Variants in CCDC60 observed in about 807,000 individuals in gnomAD.
CCDC60 encodes the protein coiled-coil domain containing 60.
In CCDC60, 54 loss-of-function variants were observed where a neutral mutation model predicts 63.5. That is an observed-to-expected ratio of 0.85 (90% CI 0.68 to 1.07). The LOEUF is 1.07. Ranked by LOEUF, CCDC60 falls within the 50% of genes least tolerant of loss-of-function variation. The pLI is 0.00. For missense variants in CCDC60, 651 were observed against 684.3 expected (o/e 0.95, Z 0.54); for synonymous variants, 206 against 238.8 (o/e 0.86, Z 1.27).
intron 2 of CCDC60, among the ~76,000 whole-genome samples, chr12:119,466,433 C>T (rs1593128608): frequency 6.6e-6 from 1 of 152,164 alleles, no homozygotes; most frequent in Admixed American, 6.5e-5. Flanking sequence ...GATAATGGTG[C>T]AGTTATTTAG....
intron 4 of CCDC60, among the ~76,000 whole-genome samples, chr12:119,487,843 A>T (rs2136372913): frequency 6.6e-6 from 1 of 152,202 alleles, no homozygotes; most frequent in African/African-American, 2.4e-5. Flanking sequence ...TAGGTGAGAC[A>T]TATGTGGTTT....
intron 1 of CCDC60, among the ~76,000 whole-genome samples, chr12:119,339,380 G>A (rs1354854457): frequency 6.6e-6 from 1 of 151,576 alleles, no homozygotes; most frequent in Non-Finnish European, 1.5e-5. Flanking sequence ...TTTCCACCTC[G>A]TTGTCATTAA....
chr12:119,365,584 CAAGAGGTGT>C (rs1384957980), intron 1 of CCDC60, among the ~76,000 whole-genome samples: 1 of 152,014 alleles, frequency 6.6e-6, no homozygotes, highest in Non-Finnish European at 1.5e-5. Flanking sequence ...AGAGAAATAC[CAAGAGGTGT>C]TTACTGACTA....
chr12:119,464,306 C>G, intron 2 of CCDC60, among the ~76,000 whole-genome samples: 1 of 125,672 alleles, frequency 8.0e-6, no homozygotes, highest in East Asian at 2.5e-4. Flanking sequence ...AGCAACCCCC[C>G]CCCCACTCTT....
chr12:119,395,206 C>G (rs139006376), intron 1 of CCDC60, among the ~76,000 whole-genome samples: 2 of 152,292 alleles, frequency 1.3e-5, no homozygotes, highest in African/African-American at 4.8e-5. Context: ...AGAATTGAGG[C>G]TTTCCTTTGT....
chr12:119,502,745 A>G (rs936036954), intron 6 of CCDC60, among the ~76,000 whole-genome samples: 2 of 152,212 alleles, frequency 1.3e-5, no homozygotes, highest in Non-Finnish European at 2.9e-5. Flanking sequence ...CCTAGGTTTT[A>G]TAAATGAGGA....
rs943508493 is a variant in CCDC60 at position 119,523,634 on chromosome 12, G to A, written c.1104-59G>A. On this transcript the variant is annotated intron_variant, in intron 10 of 13. Coordinates refer to ENST00000327554, the MANE Select transcript of CCDC60 (RefSeq NM_178499.5). ...CTAAGGGGGGCCAGAGTGGGACCCAGGTTACTAGGGGACATCCCTGGGCTC... is the reference window on the plus strand; with the variant it reads ...CTAAGGGGGGCCAGAGTGGGACCCAAGTTACTAGGGGACATCCCTGGGCTC... 1.9e-6 allele frequency: 3 copies of A among 1,604,570 alleles called. No individual in the cohort carries two copies. The African/African-American group carries it at 4.0e-5, about 21-fold the overall frequency.
rs138420659 is a variant in CCDC60, at chr12:119,497,113, T to C, written c.558-2965T>C. On this transcript the variant is annotated intron_variant, in intron 5 of 13. Transcript: ENST00000327554. ...GACTTCAGGACTAGCTATTAAATCA[T>C]CTACCCGAAGTCCCACATGTCACTT... Among the ~76,000 whole-genome samples, 300 of 152,256 alleles carry C rather than the reference T, an allele frequency of 2.0e-3. 1 individual carries two copies. The highest frequency in any genetic ancestry group is 6.9e-3 in the African/African-American group (287 of 41,554).
In CCDC60 at chr12:119,488,993, G is replaced by A. The variant is rs1469971134; in HGVS notation, c.557+127G>A. The A allele has an allele frequency of 1.1e-5, 8 of 748,958 alleles. No homozygotes were observed. In the Admixed American group the frequency reaches 1.2e-4, roughly 12 times the overall value. The allele number at this position is 748,958 out of a possible 1,614,324, so 46.4% of individuals were successfully genotyped here. On this transcript the variant is annotated intron_variant, in intron 5 of 13. Coordinates refer to ENST00000327554, the MANE Select transcript of CCDC60 (RefSeq NM_178499.5). The stretch of plus-strand genomic sequence containing the variant: ...TGGGCTGTTTCAGTTCCTCTTCTAT[G>A]TGCTCTGTGGGATCTGAACAGGGGA...
At chr12:119,462,366 AT>A (rs1457707584) in intron 2 of CCDC60, among the ~76,000 whole-genome samples, 2 of 152,254 alleles carry the variant, frequency 1.3e-5, no homozygotes, top group African/African-American at 2.4e-5. Context: ...TCACATTAGG[AT>A]TGTGTTTACC....
intron 13 of CCDC60, among the ~76,000 whole-genome samples, chr12:119,538,399 C>T (rs947528327): frequency 2.0e-4 from 31 of 152,216 alleles, no homozygotes; most frequent in African/African-American, 6.8e-4. Flanking sequence ...TGCCCTGTTT[C>T]GGCTTGCCCT....
At chr12:119,447,564 A>T (rs1950563880) in intron 2 of CCDC60, among the ~76,000 whole-genome samples, 1 of 152,216 alleles carries the variant, frequency 6.6e-6, no homozygotes, top group Non-Finnish European at 1.5e-5. Context: ...TTCTATATCC[A>T]CAATGGCAGG....
chr12:119,435,895 T>C (rs867580116), intron 2 of CCDC60, among the ~76,000 whole-genome samples: 1 of 152,196 alleles, frequency 6.6e-6, no homozygotes, highest in East Asian at 1.9e-4. Flanking sequence ...TGATCTTGGC[T>C]GGATTCTCTC....
At chr12:119,356,701 T>A (rs1240762609) in intron 1 of CCDC60, among the ~76,000 whole-genome samples, 1 of 152,196 alleles carries the variant, frequency 6.6e-6, no homozygotes, top group East Asian at 1.9e-4. Context: ...TTCCTAGCAA[T>A]GCAAATGAGA....
intron 1 of CCDC60, among the ~76,000 whole-genome samples, chr12:119,351,055 G>C (rs982680126): frequency 3.3e-5 from 5 of 152,172 alleles, no homozygotes; most frequent in Non-Finnish European, 5.9e-5. Flanking sequence ...CCAGTCCCCA[G>C]CTGCAGGGAT....
intron 1 of CCDC60, among the ~76,000 whole-genome samples, chr12:119,357,629 T>G (rs1955731286): frequency 6.6e-6 from 1 of 152,168 alleles, no homozygotes; most frequent in Non-Finnish European, 1.5e-5. Flanking sequence ...TAATTTTGTA[T>G]TTTTAGTAGA....
intron 11 of CCDC60, among the ~76,000 whole-genome samples, chr12:119,526,847 A>G (rs1397511631): frequency 6.6e-6 from 1 of 152,202 alleles, no homozygotes; most frequent in Non-Finnish European, 1.5e-5. Context: ...GTGGAAAGCA[A>G]TATGGCTATT....
intron 1 of CCDC60, among the ~76,000 whole-genome samples, chr12:119,382,348 C>T (rs1956015946): frequency 6.6e-6 from 1 of 152,214 alleles, no homozygotes; most frequent in African/African-American, 2.4e-5. Flanking sequence ...AGCCAGCGCA[C>T]TGGTCACTGT....
At chr12:119,512,988 T>C (rs1325846332) in intron 7 of CCDC60, among the ~76,000 whole-genome samples, 6 of 152,200 alleles carry the variant, frequency 3.9e-5, no homozygotes, top group African/African-American at 1.4e-4. Flanking sequence ...AAGTCCCTTC[T>C]TCCCAATTCT....
Sources: allele counts gnomAD v4.1 joint callset (sites outside exome capture counted in the v4.1 genomes callset), GRCh38; gene constraint gnomAD v4.1.1; transcripts MANE v1.5; gene names NCBI Gene and HGNC (gene_info 2026-07-23, HGNC 2026-07-21).